NMRK2: variants seen among roughly 807,000 people sequenced by gnomAD.
NMRK2 encodes the protein NRK 2.
NMRK2 carries 34 observed loss-of-function variants against 24.7 expected under a neutral mutation model. That is an observed-to-expected ratio of 1.37 (90% CI 1.05 to 1.83). The LOEUF (loss-of-function observed/expected upper bound fraction) is 1.83. Ranked by LOEUF, NMRK2 falls within the 40% of genes most tolerant of loss-of-function variation. The pLI is 0.00. For synonymous variants in NMRK2, 145 were observed against 125.6 expected (o/e 1.15, Z -1.03); for missense variants, 341 against 315.0 (o/e 1.08, Z -0.62).
At chr19:3,934,163 G>A (rs564326655) in intron 2 of NMRK2, among the ~76,000 whole-genome samples, 8 of 152,262 alleles carry the variant, frequency 5.3e-5, no homozygotes, top group East Asian at 1.9e-4. Context: ...TGGGAGAATC[G>A]CTTGAATCCG....
At chr19:3,939,345 T>G (rs1363490727) in intron 5 of NMRK2, among the ~76,000 whole-genome samples, 3 of 150,702 alleles carry the variant, frequency 2.0e-5, no homozygotes, top group Non-Finnish European at 4.5e-5. Context: ...AAACCCTGTC[T>G]CTACTAAAAA....
intron 4 of NMRK2, among the ~76,000 whole-genome samples, chr19:3,938,152 CG>C (rs2039249252): frequency 8.2e-6 from 1 of 122,668 alleles, no homozygotes. Context: ...ACTGTCCCCC[CG>C]GGGTCCACCC....
At chr19:3,939,826 G>A (rs910730893) in intron 5 of NMRK2, 74 bp from the exon 6 acceptor site, 6 of 1,364,290 alleles carry the variant, frequency 4.4e-6, no homozygotes, top group African/African-American at 1.4e-5. Context: ...AGCCAAGGCT[G>A]GGGGGTTGGA....
intron 2 of NMRK2, 120 bp downstream of exon 2, chr19:3,933,817 C>A: frequency 9.8e-7 from 1 of 1,025,238 alleles, no homozygotes; most frequent in South Asian, 2.4e-5. Flanking sequence ...ACACGCCGCC[C>A]GAGGTCAGAG....
chr19:3,942,019 C>G, intron 7 of NMRK2, 64 bp from the exon 8 acceptor site: 2 of 1,393,120 alleles, frequency 1.4e-6, no homozygotes, highest in Non-Finnish European at 2.0e-6. Context: ...CAGCCGTCCA[C>G]TCGTCCCCCC....
chr19:3,941,882 C>T (rs1286851450), intron 7 of NMRK2, among the ~76,000 whole-genome samples: 2 of 152,090 alleles, frequency 1.3e-5, no homozygotes, highest in Non-Finnish European at 2.9e-5. Context: ...ACCTCGTGAT[C>T]CGCCTGCCTC....
chr19:3,941,624 G>C (rs373236881), intron 7 of NMRK2, among the ~76,000 whole-genome samples: 1 of 150,920 alleles, frequency 6.6e-6, no homozygotes, highest in African/African-American at 2.4e-5. Flanking sequence ...CGTGAGCCTC[G>C]CCCCCAGTCC....
intron 2 of NMRK2, among the ~76,000 whole-genome samples, chr19:3,935,086 T>C (rs1249246002): frequency 6.6e-6 from 1 of 151,974 alleles, no homozygotes; most frequent in Non-Finnish European, 1.5e-5. Flanking sequence ...AGTCTCACTA[T>C]GTTGCCTAGG....
intron 6 of NMRK2, 65 bp from the exon 7 acceptor site, chr19:3,941,006 C>T (rs2039321490): frequency 1.9e-6 from 2 of 1,072,056 alleles, no homozygotes. Context: ...AGGCCCCCCA[C>T]CGGGGGTATA....
chr19:3,942,316 C>CT lies in NMRK2; in HGVS notation c.*43_*44insT. The CT allele has an allele frequency of 6.5e-7, 1 of 1,530,880 alleles. No homozygotes were observed. Among genetic ancestry groups the CT allele is most frequent in the Non-Finnish European group, 8.8e-7 (1 of 1,132,468 alleles). 94.8% of individuals were successfully genotyped at this position (1,530,880 alleles called of 1,614,324 possible). Reference sequence around the variant, plus strand: ...TGTCTGTACGTAGGAGAGTGGAGGCCCCACTCCCAGTTGGGCGTCCCGGAG... The same window carrying CT: ...TGTCTGTACGTAGGAGAGTGGAGGCCTCCACTCCCAGTTGGGCGTCCCGGAG... On this transcript the variant is annotated 3_prime_UTR_variant, in exon 8 of 8. Transcript: ENST00000168977.
chr19:3,936,545 G>T, intron 2 of NMRK2, 30 bp from the exon 3 acceptor site: 1 of 1,508,140 alleles, frequency 6.6e-7, no homozygotes, highest in South Asian at 1.2e-5. Flanking sequence ...GGGGAGCCCA[G>T]GCAGTCTCAT....
chr19:3,934,258 CAGT>C (rs1414356725), intron 2 of NMRK2, among the ~76,000 whole-genome samples: 2 of 151,978 alleles, frequency 1.3e-5, no homozygotes, highest in African/African-American at 2.4e-5. Flanking sequence ...AAAAAAAAAT[CAGT>C]AGGGACAGAA....
At chr19:3,935,237 CTT>C (rs2039193248) in intron 2 of NMRK2, among the ~76,000 whole-genome samples, 1 of 144,114 alleles carries the variant, frequency 6.9e-6, no homozygotes, top group African/African-American at 2.5e-5. Flanking sequence ...TAGGTGTCCT[CTT>C]TTTCCGTCAG....
In NMRK2 at chr19:3,941,182, G is replaced by GC; in HGVS notation, c.502+9dup. The GC allele has an allele frequency of 1.7e-6, 2 of 1,200,782 alleles. No individual in the cohort carries two copies. Among genetic ancestry groups the GC allele is most frequent in the Non-Finnish European group, 2.3e-6 (2 of 863,116 alleles). 74.4% of individuals were successfully genotyped at this position (1,200,782 alleles called of 1,614,324 possible). A position where few individuals can be genotyped will look rare whatever the true frequency, so the allele number is the denominator to read the frequency against. ...AGGCCAACGGTGTGGAAGTGGGTAA[G>GC]CCCCTGAGCATGACCAGGCCTTGCC... On this transcript the variant is annotated splice_donor_region_variant and intron_variant, in intron 7 of 7. Coordinates refer to ENST00000168977, the MANE Select transcript of NMRK2 (RefSeq NM_170678.3).
At chr19:3,940,111 C>G in intron 6 of NMRK2, 140 bp downstream of exon 6, 1 of 714,752 alleles carries the variant, frequency 1.4e-6, no homozygotes, top group South Asian at 1.7e-5. Flanking sequence ...CTTCCGGAGG[C>G]TGAGGCAGGT....
At position 3,933,683 on chromosome 19, in the gene NMRK2, C is replaced by A; in HGVS notation, c.12C>A (p.Ile4=). Residue 4 remains isoleucine, a synonymous_variant, in exon 2 of 8, where the codon ATC becomes ATA. Transcript: ENST00000168977. MKL[I]VGIGGMTNGG... ...CCCTCCGCACCGGCATGAAGCTCAT[C>A]GTGGGCATCGGAGGGTGAGCGCCGG... The A allele has an allele frequency of 2.7e-6, 4 of 1,488,212 alleles. No homozygotes were observed. The highest frequency in any genetic ancestry group is 3.6e-6 in the Non-Finnish European group (4 of 1,119,606). 92.2% of individuals were successfully genotyped at this position (1,488,212 alleles called of 1,614,324 possible).
intron 2 of NMRK2, among the ~76,000 whole-genome samples, chr19:3,936,365 G>A (rs1016089913): frequency 4.6e-5 from 7 of 152,082 alleles, no homozygotes; most frequent in East Asian, 1.9e-4. Context: ...CTGAGATCGC[G>A]CCACTGCACT....
At chr19:3,936,738 C>T (rs1303442938) in intron 3 of NMRK2, 73 bp downstream of exon 3, 8 of 1,254,562 alleles carry the variant, frequency 6.4e-6, no homozygotes, top group Non-Finnish European at 8.9e-6. Flanking sequence ...GCCAGCCCCG[C>T]CCTCCACTGC....
At chr19:3,935,166 G>A (rs188702428) in intron 2 of NMRK2, among the ~76,000 whole-genome samples, 1 of 151,750 alleles carries the variant, frequency 6.6e-6, no homozygotes, top group Admixed American at 6.6e-5. Flanking sequence ...ATTACAGGTG[G>A]GAGCCACCAC....
Sources: allele counts gnomAD v4.1 joint callset (sites outside exome capture counted in the v4.1 genomes callset), GRCh38; gene constraint gnomAD v4.1.1; transcripts MANE v1.5; gene names NCBI Gene and HGNC (gene_info 2026-07-23, HGNC 2026-07-21).